SERINC5: variants seen among roughly 807,000 people sequenced by gnomAD.
SERINC5 encodes serine incorporator 5.
A neutral mutation model predicts 63.1 loss-of-function variants in SERINC5; 41 were observed. That is an observed-to-expected ratio of 0.65 (90% confidence interval 0.51 to 0.84). The LOEUF is 0.84. Among genes scored for constraint, SERINC5 ranks in the 40% least tolerant of loss-of-function variants. SERINC5 has a pLI of 0.00. For synonymous variants in SERINC5, 222 were observed against 215.2 expected (o/e 1.03, Z -0.28); for missense variants, 523 against 573.0 (o/e 0.91, Z 0.89).
At chr5:80,175,446 C>CA (rs1185197807) in intron 4 of SERINC5, among the ~76,000 whole-genome samples, 3 of 152,102 alleles carry the variant, frequency 2.0e-5, no homozygotes, top group Non-Finnish European at 4.4e-5. Context: ...GGTAAAAAGT[C>CA]AACAATGACC....
At chr5:80,235,362 T>C (rs746615929) in intron 1 of SERINC5, among the ~76,000 whole-genome samples, 14 of 152,226 alleles carry the variant, frequency 9.2e-5, no homozygotes, top group Non-Finnish European at 1.3e-4. Flanking sequence ...TAACTTTTTA[T>C]TTCAAATTAG....
chr5:80,210,073 A>T (rs930651397), intron 1 of SERINC5, among the ~76,000 whole-genome samples: 1 of 151,416 alleles, frequency 6.6e-6, no homozygotes, highest in Non-Finnish European at 1.5e-5. Context: ...ATAAAATAAA[A>T]GCAACTAAGT....
intron 8 of SERINC5, among the ~76,000 whole-genome samples, chr5:80,156,783 T>C (rs1377368681): frequency 2.0e-5 from 3 of 152,104 alleles, no homozygotes; most frequent in African/African-American, 7.2e-5. Flanking sequence ...ACATTTTATT[T>C]ATCATCTCTC....
chr5:80,237,757 GAAA>G (rs1032484554), intron 1 of SERINC5, among the ~76,000 whole-genome samples: 2 of 143,498 alleles, frequency 1.4e-5, no homozygotes, highest in African/African-American at 5.1e-5. Flanking sequence ...CCCTCTGCAA[GAAA>G]AAAAAAAAGA....
chr5:80,116,585 G>A (rs1744328721), intron 11 of SERINC5, among the ~76,000 whole-genome samples: 1 of 152,070 alleles, frequency 6.6e-6, no homozygotes. Context: ...CTCAGTAACT[G>A]AGCTCAGACG....
In SERINC5 at chr5:80,139,624, T is replaced by C. The variant is rs1333141959; in HGVS notation, c.*4039A>G. 1 of 626,684 alleles carries C rather than the reference T, an allele frequency of 1.6e-6. No individual in the cohort carries two copies. The highest frequency in any genetic ancestry group is 1.9e-6 in the Non-Finnish European group (1 of 523,292). The allele number at this position is 626,684 out of a possible 1,614,324, so 38.8% of individuals were successfully genotyped here. On this transcript the variant is annotated 3_prime_UTR_variant, in exon 12 of 12. Coordinates refer to ENST00000507668, the MANE Select transcript of SERINC5 (RefSeq NM_001174072.3). Reference sequence around the variant, plus strand: ...AGAGAGAGAGAGAAAGGTCTAAACATCTGTGTGAACAGCTCTCCAGTACTG... The same window carrying C: ...AGAGAGAGAGAGAAAGGTCTAAACACCTGTGTGAACAGCTCTCCAGTACTG...
chr5:80,130,646 C>T (rs767193402), intron 11 of SERINC5, among the ~76,000 whole-genome samples: 10 of 152,168 alleles, frequency 6.6e-5, no homozygotes, highest in Non-Finnish European at 1.0e-4. Context: ...TAAGTATCAC[C>T]CTTTCCTATG....
chr5:80,231,774 T>C (rs958851849), intron 1 of SERINC5, among the ~76,000 whole-genome samples: 6 of 152,048 alleles, frequency 3.9e-5, no homozygotes, highest in African/African-American at 1.4e-4. Flanking sequence ...AACAATGAAG[T>C]TGGACCCTTT....
Position 80,144,952 on chromosome 5 carries a change from C to T in SERINC5, c.1238+1138G>A, listed in dbSNP as rs115330922. ...GGACCTGTAGAAAAAGTATGAACCT[C>T]TGTGTAGTGCCAGGGAAGGCCAGGT... On this transcript the variant is annotated intron_variant, in intron 11 of 11. Coordinates refer to ENST00000507668, the MANE Select transcript of SERINC5 (RefSeq NM_001174072.3). Among the ~76,000 whole-genome samples, 1,071 of 151,234 alleles carry T rather than the reference C, an allele frequency of 7.1e-3. 13 individuals are homozygous for T. Among genetic ancestry groups the T allele is most frequent in the African/African-American group, 0.025 (1,015 of 41,166 alleles).
chr5:80,135,004 G>A (rs557407745), downstream of SERINC5, among the ~76,000 whole-genome samples: 5 of 152,328 alleles, frequency 3.3e-5, no homozygotes, highest in East Asian at 5.8e-4. Context: ...TCAAAACAAA[G>A]CCACTGGGCT....
chr5:80,170,195 G>A (rs1561390323), intron 5 of SERINC5, among the ~76,000 whole-genome samples: 1 of 152,206 alleles, frequency 6.6e-6, no homozygotes, highest in Non-Finnish European at 1.5e-5. Flanking sequence ...CTGCACCTGG[G>A]AAGATAAGCT....
intron 2 of SERINC5, among the ~76,000 whole-genome samples, chr5:80,200,305 G>A (rs374102509): frequency 2.1e-5 from 3 of 143,362 alleles, no homozygotes; most frequent in Admixed American, 7.1e-5. Flanking sequence ...GTGAAACCCC[G>A]TCTCTACTAA....
intron 5 of SERINC5, among the ~76,000 whole-genome samples, chr5:80,173,271 AAGGAAGGAAGAAAATG>A (rs1747791833): frequency 6.7e-6 from 1 of 148,676 alleles, no homozygotes. Context: ...GGAAGGAAGG[AAGGAAGGAAGAAAATG>A]AAATGAAATG....
At chr5:80,189,702 GTTTC>G (rs1749061158) in intron 2 of SERINC5, among the ~76,000 whole-genome samples, 1 of 152,086 alleles carries the variant, frequency 6.6e-6, no homozygotes, top group Non-Finnish European at 1.5e-5. Context: ...AAATCTGCTA[GTTTC>G]TTTTTTTTTC....
intron 2 of SERINC5, among the ~76,000 whole-genome samples, chr5:80,197,666 A>G (rs1363920270): frequency 6.6e-6 from 1 of 151,882 alleles, no homozygotes; most frequent in African/African-American, 2.4e-5. Flanking sequence ...AGTGGCCCCT[A>G]CTCCCTAGGA....
At position 80,150,945 on chromosome 5, in the gene SERINC5, C is replaced by G; in HGVS notation, c.990G>C (p.Leu330Phe). The G allele has an allele frequency of 1.9e-6, 3 of 1,612,606 alleles. No individual in the cohort carries two copies. The highest frequency in any genetic ancestry group is 2.5e-6 in the Non-Finnish European group (3 of 1,178,650). Residue 330 changes from leucine (L) to phenylalanine (F), a missense_variant, in exon 9 of 12, where the codon TTG becomes TTC. Leu to Phe is a conservative substitution (Grantham distance 22). Transcript: ENST00000507668. Reference sequence around the variant, plus strand: ...CAGAACTCGATCTTGTTGTTGATGTCAAACTAAGAAACAGACAAAAACGTC... The same window carrying G: ...CAGAACTCGATCTTGTTGTTGATGTGAAACTAAGAAACAGACAAAAACGTC... ...LLIGCILYSCLTSTTRSSSDA... is the reference protein window; with the variant it reads ...LLIGCILYSCFTSTTRSSSDA...
At chr5:80,159,680 A>G (rs1195443337) in intron 7 of SERINC5, among the ~76,000 whole-genome samples, 1 of 152,162 alleles carries the variant, frequency 6.6e-6, no homozygotes, top group Non-Finnish European at 1.5e-5. Flanking sequence ...AACTCCAGGA[A>G]TGGGAGGAAT....
At chr5:80,127,165 C>T (rs1339216219) in intron 11 of SERINC5, among the ~76,000 whole-genome samples, 1 of 152,172 alleles carries the variant, frequency 6.6e-6, no homozygotes, top group Admixed American at 6.5e-5. Flanking sequence ...GATAATACTT[C>T]CCCACTTCAT....
At chr5:80,170,728 A>C (rs1747596951) in intron 5 of SERINC5, among the ~76,000 whole-genome samples, 1 of 152,154 alleles carries the variant, frequency 6.6e-6, no homozygotes, top group Non-Finnish European at 1.5e-5. Context: ...CTCTACTCCA[A>C]AGTGCTGCCA....
Sources: allele counts gnomAD v4.1 joint callset (sites outside exome capture counted in the v4.1 genomes callset), GRCh38; gene constraint gnomAD v4.1.1; transcripts MANE v1.5; gene names NCBI Gene and HGNC (gene_info 2026-07-23, HGNC 2026-07-21).